GDA: variants seen among roughly 807,000 people sequenced by gnomAD.
GDA encodes cytoplasmic PSD-95 interactor.
GDA carries 18 observed loss-of-function variants against 59.6 expected under a neutral mutation model. That is an observed-to-expected ratio of 0.30 (90% CI 0.21 to 0.45). The LOEUF (loss-of-function observed/expected upper bound fraction) is 0.45. Among genes scored for constraint, GDA ranks in the 20% least tolerant of loss-of-function variants. The pLI, the probability that GDA is intolerant of heterozygous loss-of-function variation, is 1.00. For missense variants in GDA, 427 were observed against 552.3 expected (o/e 0.77, Z 2.27); for synonymous variants, 201 against 201.1 (o/e 1.00, Z 0.00).
chr9:72,121,034 C>T (rs1042566570), intron 1 of GDA, among the ~76,000 whole-genome samples: 9 of 152,100 alleles, frequency 5.9e-5, no homozygotes, highest in African/African-American at 2.2e-4. Context: ...TTACTTCAAC[C>T]ACAGGCGTTT....
chr9:72,215,194 A>G (rs1835948341), intron 5 of GDA, among the ~76,000 whole-genome samples: 1 of 152,254 alleles, frequency 6.6e-6, no homozygotes, highest in African/African-American at 2.4e-5. Flanking sequence ...ATAAAATAGT[A>G]TACAAGAAGT....
At chr9:72,150,597 G>C (rs1827088739) in intron 1 of GDA, among the ~76,000 whole-genome samples, 1 of 152,098 alleles carries the variant, frequency 6.6e-6, no homozygotes, top group African/African-American at 2.4e-5. Context: ...AATAAATATG[G>C]AGATGGGATT....
At chr9:72,120,284 T>A (rs2130571164) in intron 1 of GDA, among the ~76,000 whole-genome samples, 1 of 151,672 alleles carries the variant, frequency 6.6e-6, no homozygotes, top group East Asian at 1.9e-4. Context: ...GCCTCCTGGG[T>A]TCAAGCGATT....
intron 1 of GDA, among the ~76,000 whole-genome samples, chr9:72,142,105 T>G (rs1365978938): frequency 6.6e-6 from 1 of 152,148 alleles, no homozygotes; most frequent in Non-Finnish European, 1.5e-5. Flanking sequence ...AGACCTGCAT[T>G]TGATTTGAAT....
At chr9:72,228,201 A>G in intron 9 of GDA, 161 bp downstream of exon 9, 1 of 606,306 alleles carries the variant, frequency 1.6e-6, no homozygotes, top group South Asian at 1.9e-5. Context: ...TGAGGAGTAA[A>G]AGAGAACACG....
At chr9:72,232,155 T>G (rs13289128) in intron 10 of GDA, among the ~76,000 whole-genome samples, 24,516 of 152,224 alleles carry the variant, frequency 0.16, 2,193 homozygotes, top group Middle Eastern at 0.28. Flanking sequence ...ATTAAAAATT[T>G]TTTTAATGGG....
In GDA at chr9:72,143,948, G is replaced by A. The variant is rs540630871; in HGVS notation, c.-100+29115G>A. Among the ~76,000 whole-genome samples, 25 of 152,288 alleles carry A rather than the reference G, an allele frequency of 1.6e-4. No individual in the cohort carries two copies. In the South Asian group the frequency reaches 4.4e-3, roughly 27 times the overall value. On this transcript the variant is annotated intron_variant, in intron 1 of 13. Coordinates refer to the GDA transcript ENST00000545168. Reference sequence around the variant, plus strand: ...AAAAATAATAGACTTCTGGCCAGACGCAGTGGCTCATGTCTGTAATCCCAG... The same window carrying A: ...AAAAATAATAGACTTCTGGCCAGACACAGTGGCTCATGTCTGTAATCCCAG...
chr9:72,140,787 T>C (rs998148518), intron 1 of GDA, among the ~76,000 whole-genome samples: 1 of 152,228 alleles, frequency 6.6e-6, no homozygotes, highest in Non-Finnish European at 1.5e-5. Flanking sequence ...TAAGTCATGG[T>C]GACCACACCT....
At chr9:72,153,144 A>G (rs34994180) in intron 1 of GDA, among the ~76,000 whole-genome samples, 5,364 of 151,982 alleles carry the variant, frequency 0.035, 120 homozygotes, top group African/African-American at 0.051. Context: ...TGTTCCATTG[A>G]TGTATATCTC....
chr9:72,238,789 T>A (rs1839296271), intron 10 of GDA, among the ~76,000 whole-genome samples: 1 of 152,132 alleles, frequency 6.6e-6, no homozygotes, highest in Non-Finnish European at 1.5e-5. Flanking sequence ...AATGCTTCAA[T>A]TTTCCTTCCT....
At chr9:72,207,691 G>C (rs1834882696) in intron 3 of GDA, among the ~76,000 whole-genome samples, 1 of 152,144 alleles carries the variant, frequency 6.6e-6, no homozygotes, top group South Asian at 2.1e-4. Context: ...ATCCTCTGCT[G>C]GTGGCCAGAT....
intron 5 of GDA, chr9:72,214,818 C>A (rs182676820): frequency 7.7e-6 from 2 of 259,340 alleles, no homozygotes; most frequent in African/African-American, 4.7e-5. Context: ...ACTGAAACCT[C>A]CACCTCCTGT....
At chr9:72,257,396 T>G (rs1840898710), downstream of GDA, 2 of 152,254 alleles carry the variant, frequency 1.3e-5, no homozygotes, top group South Asian at 2.1e-4. Context: ...GCCTTCTTAT[T>G]TCCCCCACGG....
chr9:72,215,314 A>G (rs6560258), intron 5 of GDA, among the ~76,000 whole-genome samples: 152,110 of 152,244 alleles, frequency 1, 75,988 homozygotes, highest in Non-Finnish European at 1. Context: ...ACTTAGAGAA[A>G]CACAAAAAGG....
intron 9 of GDA, among the ~76,000 whole-genome samples, chr9:72,230,272 C>CT (rs1405463539): frequency 6.6e-6 from 1 of 152,074 alleles, no homozygotes; most frequent in Non-Finnish European, 1.5e-5. Flanking sequence ...GTGGGAGGAT[C>CT]ACCTGAGGTC....
At chr9:72,153,662 G>C (rs1436072516) in intron 1 of GDA, among the ~76,000 whole-genome samples, 1 of 151,520 alleles carries the variant, frequency 6.6e-6, no homozygotes, top group East Asian at 1.9e-4. Context: ...AAAAAATGAT[G>C]AGTTCATGTC....
intron 1 of GDA, among the ~76,000 whole-genome samples, chr9:72,194,924 C>G (rs1303124260): frequency 6.6e-6 from 1 of 152,120 alleles, no homozygotes; most frequent in Non-Finnish European, 1.5e-5. Context: ...GCACTGAGTT[C>G]GGTGGCTCAT....
chr9:72,150,158 A>C (rs1364518560), intron 1 of GDA, among the ~76,000 whole-genome samples: 1 of 152,204 alleles, frequency 6.6e-6, no homozygotes, highest in Non-Finnish European at 1.5e-5. Context: ...CGTGTCCAGA[A>C]CATAGAATAA....
intron 1 of GDA, among the ~76,000 whole-genome samples, chr9:72,129,743 C>T (rs565863247): frequency 1.3e-5 from 2 of 152,174 alleles, no homozygotes; most frequent in East Asian, 1.9e-4. Context: ...TAGCTGACCA[C>T]GAGAAATGTA....
Sources: allele counts gnomAD v4.1 joint callset (sites outside exome capture counted in the v4.1 genomes callset), GRCh38; gene constraint gnomAD v4.1.1; transcripts MANE v1.5; gene names NCBI Gene and HGNC (gene_info 2026-07-23, HGNC 2026-07-21).